The following MMP25 variants were observed in gnomAD, a reference collection of about 807,000 sequenced individuals.
MMP25 encodes matrix metalloproteinase-25.
Under a neutral mutation model 62.1 loss-of-function variants are expected in MMP25, and 68 were observed. The observed-to-expected ratio is 1.10, with a 90% CI of 0.90 to 1.34. MMP25 has a LOEUF of 1.34. Ranked by LOEUF, MMP25 falls within the 40% of genes most tolerant of loss-of-function variation. MMP25 has a pLI of 0.00. For missense variants in MMP25, 942 were observed against 792.5 expected (o/e 1.19, Z -2.26); for synonymous variants, 407 against 345.6 (o/e 1.18, Z -1.97).
In MMP25 at chr16:3,060,691, A is replaced by G. The variant is rs1956096194; in HGVS notation, c.*1593A>G. ...AAATTTGTATATTAGAAACTTATTC[A>G]TCCCACTCAGGACAATAAAAACGAA... On this transcript the variant is annotated 3_prime_UTR_variant, in exon 10 of 10. Transcript: ENST00000336577. The G allele has an allele frequency of 6.6e-6, 1 of 152,162 alleles. No individual in the cohort carries two copies. 9.4% of individuals were successfully genotyped at this position (152,162 alleles called of 1,614,324 possible).
chr16:3,050,068 G>T lies in MMP25; in HGVS notation c.292G>T (p.Val98Leu). The change falls in exon 3 of 10, where the codon GTG (valine) becomes TTG (leucine). Residue 98 changes from valine to leucine, a missense_variant. Val to Leu is a conservative substitution (Grantham distance 32). Transcript: ENST00000336577. Reference protein sequence around the residue: ...PRCSLPDVLGVAGLVRRRRRY... With the variant: ...PRCSLPDVLGLAGLVRRRRRY... ...CTGCTCCCTGCCTGACGTGCTGGGG[G>T]TGGCGGGGCTGGTCAGGCGGCGTCG... 1.2e-6 allele frequency: 2 copies of T among 1,611,218 alleles called. No individual in the cohort carries two copies. The highest frequency in any genetic ancestry group is 1.7e-6 in the Non-Finnish European group (2 of 1,179,930).
At chr16:3,055,449 T>G (rs1037195047) in intron 4 of MMP25, among the ~76,000 whole-genome samples, 1 of 152,054 alleles carries the variant, frequency 6.6e-6, no homozygotes, top group African/African-American at 2.4e-5. Context: ...AATTCGTCAG[T>G]GCGGATGTGA....
chr16:3,049,877 TG>T, intron 2 of MMP25, 131 bp from the exon 3 acceptor site: 1 of 1,345,732 alleles, frequency 7.4e-7, no homozygotes, highest in Non-Finnish European at 1.0e-6. Context: ...ACCTGGGCTG[TG>T]GGGCCTTCGA....
chr16:3,057,855 C>T (rs1241298419), intron 7 of MMP25: 5 of 589,536 alleles, frequency 8.5e-6, no homozygotes, highest in Non-Finnish European at 1.5e-5. Context: ...CATGCCACCA[C>T]GCCTTGCTAG....
chr16:3,057,706 T>G, intron 7 of MMP25, 93 bp downstream of exon 7: 1 of 1,186,998 alleles, frequency 8.4e-7, no homozygotes, highest in Non-Finnish European at 1.3e-6. Flanking sequence ...AGCGGAACTT[T>G]TTTCTTCTTT....
Position 3,047,538 on chromosome 16 carries a change from G to A in MMP25, c.223G>A (p.Gly75Ser). The A allele has an allele frequency of 6.2e-7, 1 of 1,613,002 alleles. No individual in the cohort carries two copies. The change falls in exon 2 of 10, where the codon GGC becomes AGC. Residue 75 changes from glycine (G) to serine (S), a missense_variant. Gly to Ser is a moderately conservative substitution (Grantham distance 56). Coordinates refer to ENST00000336577, the MANE Select transcript of MMP25 (RefSeq NM_022468.5). ...MQRFAGLPET[G>S]RMDPGTVATM... ...GAGGTTCGCGGGGCTGCCGGAGACC[G>A]GCCGCATGGGTAGGTGGCCCCCACC... is the stretch of plus-strand genomic sequence containing the variant.
Position 3,059,806 on chromosome 16 carries a change from G to C in MMP25, c.*708G>C, listed in dbSNP as rs1182121885. On this transcript the variant is annotated 3_prime_UTR_variant, in exon 10 of 10. Coordinates refer to ENST00000336577, the MANE Select transcript of MMP25 (RefSeq NM_022468.5). ...CCCATGCGCCACGTCCTGGGTGGTG[G>C]AATCAGTGGCTGGAGGGACGACCCT... The C allele has an allele frequency of 1.3e-5, 2 of 152,260 alleles. No individual in the cohort carries two copies. Among genetic ancestry groups the C allele is most frequent in the Admixed American group, 1.3e-4 (2 of 15,276 alleles). The allele number at this position is 152,260 out of a possible 1,614,324, so 9.4% of individuals were successfully genotyped here.
chr16:3,050,813 A>T (rs1955892057), intron 4 of MMP25, among the ~76,000 whole-genome samples: 1 of 152,070 alleles, frequency 6.6e-6, no homozygotes, highest in African/African-American at 2.4e-5. Flanking sequence ...TTTTGTAGAA[A>T]CAGGGTCTCA....
chr16:3,048,382 G>C (rs938470037), intron 2 of MMP25, among the ~76,000 whole-genome samples: 4 of 152,162 alleles, frequency 2.6e-5, no homozygotes, highest in Non-Finnish European at 5.9e-5. Context: ...AAATAAAGTA[G>C]GTAAGGTTCC....
chr16:3,059,537 G>C lies in MMP25; in HGVS notation c.*439G>C, dbSNP rs1472627544. On this transcript the variant is annotated 3_prime_UTR_variant, in exon 10 of 10. Transcript: ENST00000336577. ...GCCCCGCAGGACCTTCCTTTTCCAG[G>C]AAGAGCCAGCTTTTCTCGGAGCGCA... The C allele has an allele frequency of 6.3e-6, 1 of 157,748 alleles. No individual in the cohort carries two copies. The highest frequency in any genetic ancestry group is 1.4e-5 in the Non-Finnish European group (1 of 72,016). The allele number at this position is 157,748 out of a possible 1,614,324, so 9.8% of individuals were successfully genotyped here. A position where few individuals can be genotyped will look rare whatever the true frequency, so the allele number is the denominator to read the frequency against.
intron 2 of MMP25, 109 bp downstream of exon 2, chr16:3,047,656 T>C: frequency 7.7e-7 from 1 of 1,292,072 alleles, no homozygotes; most frequent in Non-Finnish European, 1.1e-6. Context: ...GTGAAGATGC[T>C]GATCTCAGGC....
In MMP25 at chr16:3,057,215, G is replaced by A. The variant is rs1326257900; in HGVS notation, c.838+6G>A. 6.2e-7 allele frequency: 1 copy of A among 1,613,310 alleles called. No individual in the cohort carries two copies. Among genetic ancestry groups the A allele is most frequent in the Admixed American group, 1.7e-5 (1 of 59,898 alleles). The stretch of plus-strand genomic sequence containing the variant: ...TGGCCTGCAGCAACTCTATGGTAGG[G>A]GGAGAGGGACCTGCCGCGAAACCAT... On this transcript the variant is annotated splice_donor_region_variant and intron_variant, in intron 5 of 9. Coordinates refer to ENST00000336577, the MANE Select transcript of MMP25 (RefSeq NM_022468.5).
chr16:3,058,061 C>G, intron 7 of MMP25, 120 bp from the exon 8 acceptor site: 2 of 1,239,496 alleles, frequency 1.6e-6, no homozygotes, highest in Non-Finnish European at 2.3e-6. Flanking sequence ...GGGCTGGTCA[C>G]CCTAGATCCA....
At chr16:3,050,174 C>T in intron 3 of MMP25, 30 bp downstream of exon 3, 1 of 1,586,906 alleles carries the variant, frequency 6.3e-7, no homozygotes, top group Non-Finnish European at 8.6e-7. Context: ...CGCACCCTGG[C>T]CCTGCCTGCT....
rs1170648666 is a variant in MMP25, at chr16:3,060,340, G to C, written c.*1242G>C. 6.6e-6 allele frequency: 1 copy of C among 152,424 alleles called. No individual in the cohort carries two copies. Among genetic ancestry groups the C allele is most frequent in the African/African-American group, 2.4e-5 (1 of 41,502 alleles). 9.4% of individuals were successfully genotyped at this position (152,424 alleles called of 1,614,324 possible). On this transcript the variant is annotated 3_prime_UTR_variant, in exon 10 of 10. Coordinates refer to ENST00000336577, the MANE Select transcript of MMP25 (RefSeq NM_022468.5). ...GTGGGGGGCAGTAGCTGGCTGTTTC[G>C]TGGCATTTCTGTGGCTCTGCAGTGT...
In MMP25 at chr16:3,050,807, G is replaced by C. The variant is rs186345209; in HGVS notation, c.661+261G>C. Among the ~76,000 whole-genome samples the C allele has an allele frequency of 3.0e-4, 46 of 151,928 alleles. 1 individual carries two copies. The highest frequency in any genetic ancestry group is 2.3e-3 in the Admixed American group (35 of 15,252). ...TTTTTGTTTGTTTTTTTTACTTTTT[G>C]TAGAAACAGGGTCTCATTATCTTGC... On this transcript the variant is annotated intron_variant, in intron 4 of 9. Coordinates refer to ENST00000336577, the MANE Select transcript of MMP25 (RefSeq NM_022468.5).
intron 2 of MMP25, among the ~76,000 whole-genome samples, chr16:3,048,905 A>G (rs551069931): frequency 2.6e-5 from 4 of 151,342 alleles, no homozygotes; most frequent in African/African-American, 9.7e-5. Context: ...TCCCGGGTTC[A>G]AGTGATTCTC....
rs1376518860 is a variant in MMP25 at position 3,059,440 on chromosome 16, G to A, written c.*342G>A. 1 of 216,938 alleles carries A rather than the reference G, an allele frequency of 4.6e-6. No homozygotes were observed. Among genetic ancestry groups the A allele is most frequent in the African/African-American group, 2.3e-5 (1 of 43,708 alleles). The allele number at this position is 216,938 out of a possible 1,614,324, so 13.4% of individuals were successfully genotyped here. ...GGTCGGACCCCGCCTCCCGAGCCCG[G>A]GGAGGGGCGGGGAGGACAAGGGGCG... is the stretch of plus-strand genomic sequence containing the variant. On this transcript the variant is annotated 3_prime_UTR_variant, in exon 10 of 10. Transcript: ENST00000336577.
At chr16:3,047,201 C>A (rs1955833577) in intron 1 of MMP25, among the ~76,000 whole-genome samples, 185 bp downstream of exon 1, 1 of 152,182 alleles carries the variant, frequency 6.6e-6, no homozygotes, top group Admixed American at 6.5e-5. Flanking sequence ...ATTTGGAGCT[C>A]TGGAAAGGAG....
Sources: gnomAD v4.1 joint callset for allele counts (sites outside exome capture counted in the v4.1 genomes callset) on GRCh38, gnomAD v4.1.1 for gene constraint, MANE v1.5 for transcripts, NCBI Gene and HGNC (gene_info 2026-07-23, HGNC 2026-07-21) for gene names.